PLEKHG1: variants seen among roughly 807,000 people sequenced by gnomAD.
PLEKHG1 encodes the protein pleckstrin homology and RhoGEF domain containing G1.
In PLEKHG1, 44 loss-of-function variants were observed where a neutral mutation model predicts 100.8. That is an observed-to-expected ratio of 0.44 (90% confidence interval 0.34 to 0.56). PLEKHG1 has a LOEUF of 0.56. Ranked by LOEUF, PLEKHG1 falls within the 20% of genes least tolerant of loss-of-function variation. The pLI, the probability that PLEKHG1 is intolerant of heterozygous loss-of-function variation, is 0.01. For synonymous variants in PLEKHG1, 640 were observed against 662.5 expected (o/e 0.97, Z 0.52); for missense variants, 1,545 against 1,720.9 (o/e 0.90, Z 1.81).
chr6:150,721,726 G>T (rs368742353), intron 1 of PLEKHG1, among the ~76,000 whole-genome samples: 39 of 152,162 alleles, frequency 2.6e-4, no homozygotes, highest in African/African-American at 8.9e-4. Context: ...TCCATTTTGA[G>T]TGTTTCTCGG....
intron 2 of PLEKHG1, among the ~76,000 whole-genome samples, chr6:150,743,971 G>A (rs1783017495): frequency 6.6e-6 from 1 of 152,220 alleles, no homozygotes; most frequent in Non-Finnish European, 1.5e-5. Context: ...ATAGAACGAT[G>A]CTTGGAAGCT....
At chr6:150,676,331 G>A (rs918499541) in intron 3 of PLEKHG1, among the ~76,000 whole-genome samples, 1 of 152,088 alleles carries the variant, frequency 6.6e-6, no homozygotes, top group Admixed American at 6.6e-5. Flanking sequence ...AAAACAAATA[G>A]GAAACCAAAT....
intron 1 of PLEKHG1, among the ~76,000 whole-genome samples, chr6:150,628,256 A>G (rs940651795): frequency 1.3e-5 from 2 of 151,898 alleles, no homozygotes; most frequent in African/African-American, 4.9e-5. Context: ...TTGAAATGTT[A>G]TATGTTTCTG....
At chr6:150,682,755 C>T (rs1183422004) in intron 3 of PLEKHG1, among the ~76,000 whole-genome samples, 1 of 152,092 alleles carries the variant, frequency 6.6e-6, no homozygotes, top group Non-Finnish European at 1.5e-5. Flanking sequence ...GCTCTGTGCC[C>T]TGAAAGCAAG....
intron 3 of PLEKHG1, among the ~76,000 whole-genome samples, chr6:150,778,016 A>C (rs1785091045): frequency 6.6e-6 from 1 of 152,166 alleles, no homozygotes; most frequent in African/African-American, 2.4e-5. Flanking sequence ...TTATAGCGAG[A>C]TGTCTTCCTC....
chr6:150,673,103 A>G (rs1779632125), intron 3 of PLEKHG1, among the ~76,000 whole-genome samples: 1 of 152,088 alleles, frequency 6.6e-6, no homozygotes, highest in Non-Finnish European at 1.5e-5. Context: ...TGGATGCCCT[A>G]TTTCTGATTA....
chr6:150,828,193 A>T, intron 14 of PLEKHG1: 2 of 1,613,916 alleles, frequency 1.2e-6, no homozygotes, highest in Non-Finnish European at 1.7e-6. Context: ...ATCAAGGCTC[A>T]GTTTATTGGT....
At chr6:150,709,490 G>A (rs915008603) in intron 3 of PLEKHG1, among the ~76,000 whole-genome samples, 2 of 152,166 alleles carry the variant, frequency 1.3e-5, no homozygotes, top group African/African-American at 4.8e-5. Context: ...AGAGTCTATG[G>A]AGTTAAAAAG....
rs137866100 is a variant in PLEKHG1 at position 150,664,761 on chromosome 6, C to T, written c.-99+13975C>T. 6.4e-4 allele frequency among the ~76,000 whole-genome samples: 97 copies of T among 152,254 alleles called. 2 individuals carry two copies. The East Asian group carries it at 0.017, about 26-fold the overall frequency. On this transcript the variant is annotated intron_variant, in intron 3 of 3. Coordinates refer to the PLEKHG1 transcript ENST00000367326. ...CTAGAATCACTCAAGCACAAGAGCC[C>T]GCCCTGGGCCAACTGGGGCTTTGTT...
chr6:150,623,117 C>T (rs1244485674), intron 1 of PLEKHG1, among the ~76,000 whole-genome samples: 1 of 151,854 alleles, frequency 6.6e-6, no homozygotes, highest in Non-Finnish European at 1.5e-5. Flanking sequence ...GTCAATGACA[C>T]ATTCTTGAGG....
intron 2 of PLEKHG1, among the ~76,000 whole-genome samples, chr6:150,738,135 A>C (rs1458509802): frequency 6.6e-6 from 1 of 152,120 alleles, no homozygotes; most frequent in African/African-American, 2.4e-5. Context: ...TTTCCAAGCA[A>C]AAATAATTTC....
intron 3 of PLEKHG1, among the ~76,000 whole-genome samples, chr6:150,774,329 C>T (rs528387161): frequency 3.3e-5 from 5 of 152,208 alleles, no homozygotes; most frequent in African/African-American, 9.6e-5. Flanking sequence ...CTTTTTTCCT[C>T]TTTTGCTAAA....
chr6:150,687,763 G>A (rs1314975936), intron 3 of PLEKHG1, among the ~76,000 whole-genome samples: 3 of 152,126 alleles, frequency 2.0e-5, no homozygotes, highest in Non-Finnish European at 2.9e-5. Flanking sequence ...CTGACCCCAC[G>A]CCCTGAGAGT....
chr6:150,820,225 T>C (rs1425196263), intron 12 of PLEKHG1, among the ~76,000 whole-genome samples: 3 of 151,914 alleles, frequency 2.0e-5, no homozygotes, highest in African/African-American at 4.8e-5. Flanking sequence ...AAAAAACCTC[T>C]TTTCTACTTA....
intron 2 of PLEKHG1, among the ~76,000 whole-genome samples, chr6:150,756,279 G>C (rs185647145): frequency 6.6e-6 from 1 of 152,282 alleles, no homozygotes; most frequent in East Asian, 1.9e-4. Flanking sequence ...CGGTGCCTCT[G>C]CCTGCTCCCC....
At chr6:150,800,759 C>T (rs1416146829) in exon 6 of PLEKHG1, 16 of 1,613,732 alleles carry the variant, frequency 9.9e-6, no homozygotes, top group Non-Finnish European at 1.4e-5. Flanking sequence ...GAACAAGATA[C>T]TGGCCAAATT....
At chr6:150,616,209 A>C (rs1034544975) in intron 1 of PLEKHG1, among the ~76,000 whole-genome samples, 1 of 152,206 alleles carries the variant, frequency 6.6e-6, no homozygotes, top group Admixed American at 6.5e-5. Flanking sequence ...TAGTCACTCC[A>C]AGGCTAGTGT....
At chr6:150,671,985 A>G (rs567675870) in intron 3 of PLEKHG1, among the ~76,000 whole-genome samples, 1 of 152,178 alleles carries the variant, frequency 6.6e-6, no homozygotes, top group East Asian at 1.9e-4. Flanking sequence ...CTAAAGATTC[A>G]CTAGCTATTG....
chr6:150,660,797 A>G (rs945576951), intron 3 of PLEKHG1, among the ~76,000 whole-genome samples: 2 of 152,250 alleles, frequency 1.3e-5, no homozygotes, highest in Non-Finnish European at 2.9e-5. Flanking sequence ...TGTGTGTTTT[A>G]TCCTGGTCAC....
Sources: gnomAD v4.1 joint callset for allele counts (sites outside exome capture counted in the v4.1 genomes callset) on GRCh38, gnomAD v4.1.1 for gene constraint, MANE v1.5 for transcripts, NCBI Gene and HGNC (gene_info 2026-07-23, HGNC 2026-07-21) for gene names.